PCNX2: variants seen among roughly 807,000 people sequenced by gnomAD.
PCNX2 encodes the protein pecanex 2, also known as pecanex-like protein 2.
In PCNX2, 168 loss-of-function variants were observed where a neutral mutation model predicts 223.8. The ratio of observed to expected loss-of-function variants is 0.75; its 90% CI spans 0.66 to 0.85. The LOEUF (loss-of-function observed/expected upper bound fraction) is 0.85, where lower values mean the gene tolerates loss of function less well. PCNX2 is among the 40% of genes least tolerant of loss of function. The pLI is 0.00. For synonymous variants in PCNX2, 1,006 were observed against 1,052.6 expected (o/e 0.96, Z 0.86); for missense variants, 2,507 against 2,675.5 (o/e 0.94, Z 1.39).
chr1:233,025,522 T>C, intron 25 of PCNX2, 123 bp from the exon 26 acceptor site: 3 of 1,296,518 alleles, frequency 2.3e-6, no homozygotes, highest in South Asian at 3.0e-5. Context: ...AATCAGGAAA[T>C]TTGTTTGTCC....
intron 1 of PCNX2, chr1:233,291,103 A>T: frequency 1.2e-5 from 12 of 985,304 alleles, no homozygotes; most frequent in Non-Finnish European, 1.4e-5. Flanking sequence ...CAGGCAGCAT[A>T]ATGTCCTGGA....
chr1:232,998,350 T>C lies in PCNX2; in HGVS notation c.5692A>G (p.Asn1898Asp), dbSNP rs1414030252. ...GGGAPTTGGN[N>D]APSGGSQESS... ...TCCTGGCTGCCACCACTCGGGGCATTGTTGCCACCTGTCGTCGGGGCCCCT... is the reference window on the plus strand; with the variant it reads ...TCCTGGCTGCCACCACTCGGGGCATCGTTGCCACCTGTCGTCGGGGCCCCT... The change falls in exon 32 of 34, where the codon AAT becomes GAT. Residue 1898 changes from asparagine to aspartate, a missense_variant. Physicochemically the swap from Asn to Asp is conservative, Grantham distance 23. Transcript: ENST00000258229. 11 of 1,613,334 alleles carry C rather than the reference T, an allele frequency of 6.8e-6. No homozygotes were observed. Among genetic ancestry groups the C allele is most frequent in the Non-Finnish European group, 9.3e-6 (11 of 1,179,652 alleles).
intron 21 of PCNX2, among the ~76,000 whole-genome samples, chr1:233,119,900 C>T (rs1270447524): frequency 1.3e-5 from 2 of 152,002 alleles, no homozygotes; most frequent in Non-Finnish European, 2.9e-5. Context: ...GGCGCGGTGG[C>T]TAATGCCTGT....
chr1:233,182,302 T>C (rs1356902324), intron 15 of PCNX2, among the ~76,000 whole-genome samples: 1 of 152,160 alleles, frequency 6.6e-6, no homozygotes, highest in Non-Finnish European at 1.5e-5. Context: ...TTGTGTGCCA[T>C]CAATACACAT....
At chr1:233,128,209 T>G (rs1013409580) in intron 21 of PCNX2, among the ~76,000 whole-genome samples, 1 of 152,248 alleles carries the variant, frequency 6.6e-6, no homozygotes, top group African/African-American at 2.4e-5. Flanking sequence ...CTGTAGAATT[T>G]TATGTCTAAT....
At chr1:233,162,979 G>A (rs998985628) in intron 17 of PCNX2, among the ~76,000 whole-genome samples, 1 of 152,136 alleles carries the variant, frequency 6.6e-6, no homozygotes, top group Non-Finnish European at 1.5e-5. Context: ...GAATGAGCTC[G>A]AATTATTATT....
At chr1:233,089,791 T>G in intron 23 of PCNX2, 1 of 1,028,580 alleles carries the variant, frequency 9.7e-7, no homozygotes, top group Non-Finnish European at 1.2e-6. Flanking sequence ...CTACGAAAAT[T>G]TGGCAGTGAT....
intron 21 of PCNX2, among the ~76,000 whole-genome samples, chr1:233,107,040 TA>T (rs199690728): frequency 8.6e-5 from 13 of 151,170 alleles, no homozygotes; most frequent in South Asian, 2.1e-4. Context: ...CGAGTTAACT[TA>T]AAAAAAAAGT....
intron 10 of PCNX2, among the ~76,000 whole-genome samples, chr1:233,225,404 C>A (rs922169918): frequency 6.6e-6 from 1 of 152,086 alleles, no homozygotes; most frequent in African/African-American, 2.4e-5. Flanking sequence ...GGTTTCATAG[C>A]CATCCTAAGA....
intron 25 of PCNX2, among the ~76,000 whole-genome samples, chr1:233,032,669 G>A (rs1671311561): frequency 6.6e-6 from 1 of 151,686 alleles, no homozygotes; most frequent in Non-Finnish European, 1.5e-5. Flanking sequence ...ATGCACATGT[G>A]TGTGTCTGTG....
At chr1:233,146,815 A>G (rs1001674755) in intron 19 of PCNX2, among the ~76,000 whole-genome samples, 2 of 152,228 alleles carry the variant, frequency 1.3e-5, no homozygotes, top group African/African-American at 4.8e-5. Flanking sequence ...TAGATTTTCA[A>G]AAGCTTGTCA....
chr1:232,986,440 T>C lies in PCNX2; in HGVS notation c.5892A>G (p.Gln1964=), dbSNP rs758457553. Residue 1964 remains glutamine (Q), a synonymous_variant, in exon 33 of 34, where the codon CAA becomes CAG. Transcript: ENST00000258229. ...CTGAGGTGGACGTCTGGAGGAATGT[T>C]TGGCGGCTCTCTAAGATGGGGCCAG... The part of the protein sequence containing the change: ...SSSGPILESR[Q]TFLQTSTSVH... 1.2e-6 allele frequency: 2 copies of C among 1,607,392 alleles called. No individual in the cohort carries two copies. The highest frequency in any genetic ancestry group is 2.7e-5 in the African/African-American group (2 of 74,854).
intron 25 of PCNX2, among the ~76,000 whole-genome samples, chr1:233,036,139 C>T (rs1671445719): frequency 6.6e-6 from 1 of 152,128 alleles, no homozygotes; most frequent in African/African-American, 2.4e-5. Flanking sequence ...ACAAACTTCT[C>T]CTGCAGCTTC....
intron 17 of PCNX2, among the ~76,000 whole-genome samples, chr1:233,164,457 A>G (rs1678673408): frequency 1.3e-5 from 2 of 152,098 alleles, no homozygotes; most frequent in Admixed American, 6.5e-5. Flanking sequence ...GAAGTAAATA[A>G]AATCAGTATG....
At chr1:233,026,102 A>G (rs1671071404) in intron 25 of PCNX2, among the ~76,000 whole-genome samples, 1 of 152,206 alleles carries the variant, frequency 6.6e-6, no homozygotes, top group African/African-American at 2.4e-5. Context: ...GACACAAAAA[A>G]ATAATAATAA....
chr1:233,275,569 T>C (rs1660863156), intron 1 of PCNX2, among the ~76,000 whole-genome samples: 1 of 152,220 alleles, frequency 6.6e-6, no homozygotes, highest in African/African-American at 2.4e-5. Flanking sequence ...TGATATATTG[T>C]TATTTTAAAA....
At chr1:233,299,801 G>A (rs1209897916), upstream of PCNX2, among the ~76,000 whole-genome samples, 1 of 152,204 alleles carries the variant, frequency 6.6e-6, no homozygotes. Flanking sequence ...GTACAGGGAA[G>A]CCTGGAAAAT....
intron 19 of PCNX2, among the ~76,000 whole-genome samples, chr1:233,155,333 T>A (rs1571983693): frequency 1.3e-5 from 2 of 152,186 alleles, no homozygotes; most frequent in South Asian, 4.1e-4. Flanking sequence ...CAGTCACAAT[T>A]CTACGGTGAC....
In PCNX2 at chr1:233,177,991, GAC is replaced by G. The variant is rs1679579298; in HGVS notation, c.3177-95_3177-94del. ...CACCTTAGATCTCACACCCACACAT[GAC>G]AAAAACAAGTGCTCTCTTCATTTAA... is the stretch of plus-strand genomic sequence containing the variant. On this transcript the variant is annotated intron_variant, in intron 16 of 33. Coordinates refer to ENST00000258229, the MANE Select transcript of PCNX2 (RefSeq NM_014801.4). The G allele has an allele frequency of 1.1e-5, 10 of 896,576 alleles. No homozygotes were observed. The South Asian group carries it at 1.6e-4, about 14-fold the overall frequency. 55.5% of individuals were successfully genotyped at this position (896,576 alleles called of 1,614,324 possible). A position where few individuals can be genotyped will look rare whatever the true frequency, so the allele number is the denominator to read the frequency against.
Sources: allele counts gnomAD v4.1 joint callset (sites outside exome capture counted in the v4.1 genomes callset), GRCh38; gene constraint gnomAD v4.1.1; transcripts MANE v1.5; gene names NCBI Gene and HGNC (gene_info 2026-07-23, HGNC 2026-07-21).